BCHE: variants seen among roughly 807,000 people sequenced by gnomAD.
The protein encoded by BCHE is cholinesterase.
BCHE carries 48 observed loss-of-function variants against 51.3 expected under a neutral mutation model. The observed-to-expected ratio is 0.94, with a 90% CI of 0.74 to 1.19. The LOEUF is 1.19. Among genes scored for constraint, BCHE ranks in the 50% most tolerant of loss-of-function variants. The pLI is 0.00. For synonymous variants in BCHE, 251 were observed against 238.0 expected (o/e 1.05, Z -0.50); for missense variants, 847 against 708.2 (o/e 1.20, Z -2.23).
At chr3:165,801,713 G>T (rs2108214500) in intron 2 of BCHE, among the ~76,000 whole-genome samples, 1 of 152,290 alleles carries the variant, frequency 6.6e-6, no homozygotes, top group Non-Finnish European at 1.5e-5. Flanking sequence ...CCAGAAACAA[G>T]TAAGACCTTA....
At chr3:165,800,427 C>T (rs551774239) in intron 2 of BCHE, among the ~76,000 whole-genome samples, 14 of 151,900 alleles carry the variant, frequency 9.2e-5, no homozygotes, top group Non-Finnish European at 1.5e-4. Flanking sequence ...TTTTTTTTCT[C>T]AAAGAGAAAT....
intron 2 of BCHE, among the ~76,000 whole-genome samples, chr3:165,822,907 AT>A (rs1305687797): frequency 1.3e-5 from 2 of 152,052 alleles, no homozygotes; most frequent in South Asian, 4.2e-4. Context: ...GGTTGACTTA[AT>A]TTTTTTCGCT....
intron 3 of BCHE, among the ~76,000 whole-genome samples, chr3:165,784,373 G>A (rs1336529003): frequency 3.3e-5 from 5 of 151,648 alleles, no homozygotes; most frequent in Admixed American, 2.0e-4. Flanking sequence ...TAATTGTATC[G>A]TGCATTTACT....
At chr3:165,783,165 AC>A in intron 3 of BCHE, among the ~76,000 whole-genome samples, 1 of 152,246 alleles carries the variant, frequency 6.6e-6, no homozygotes, top group African/African-American at 2.4e-5. Flanking sequence ...TGTCTCCATC[AC>A]ATTATTATTT....
chr3:165,773,611 G>T, intron 3 of BCHE, 105 bp from the exon 4 acceptor site: 1 of 852,776 alleles, frequency 1.2e-6, no homozygotes, highest in Non-Finnish European at 1.8e-6. Context: ...ACACAGTACA[G>T]CATTATTTTC....
chr3:165,833,518 CTA>C (rs947760407), intron 1 of BCHE, among the ~76,000 whole-genome samples: 2 of 152,046 alleles, frequency 1.3e-5, no homozygotes, highest in Non-Finnish European at 2.9e-5. Flanking sequence ...AGTGAAAATA[CTA>C]TATTATAATT....
chr3:165,834,579 G>T (rs534588695), intron 1 of BCHE, among the ~76,000 whole-genome samples: 3 of 151,620 alleles, frequency 2.0e-5, no homozygotes, highest in African/African-American at 4.8e-5. Context: ...GCATCACTTT[G>T]CCCTTTTTAT....
intron 2 of BCHE, among the ~76,000 whole-genome samples, chr3:165,791,990 A>AAATAAAATAAAAC (rs1418439495): frequency 6.6e-6 from 1 of 151,960 alleles, no homozygotes; most frequent in African/African-American, 2.4e-5. Context: ...AAATAAAATA[A>AAATAAAATAAAAC]AGAGTTCACA....
At chr3:165,799,583 C>G (rs903849254) in intron 2 of BCHE, among the ~76,000 whole-genome samples, 1 of 152,062 alleles carries the variant, frequency 6.6e-6, no homozygotes, top group Non-Finnish European at 1.5e-5. Context: ...ACAGCAATGA[C>G]ACTGTTTATG....
At chr3:165,827,363 T>C (rs563038808) in intron 2 of BCHE, among the ~76,000 whole-genome samples, 1 of 151,974 alleles carries the variant, frequency 6.6e-6, no homozygotes, top group African/African-American at 2.4e-5. Context: ...CTCCATGACA[T>C]ATATGTATTA....
intron 2 of BCHE, chr3:165,827,941 T>C (rs571657324): frequency 2.1e-4 from 87 of 422,222 alleles, no homozygotes; most frequent in African/African-American, 1.5e-3. Flanking sequence ...TTTTACCAGC[T>C]CTCATTCAAT....
At chr3:165,790,771 T>A (rs1264082841) in intron 2 of BCHE, among the ~76,000 whole-genome samples, 1 of 152,132 alleles carries the variant, frequency 6.6e-6, no homozygotes, top group Admixed American at 6.5e-5. Context: ...GAAATAGTAT[T>A]TCAGTAGAAG....
At chr3:165,832,006 A>G (rs934160913) in intron 1 of BCHE, among the ~76,000 whole-genome samples, 1 of 152,178 alleles carries the variant, frequency 6.6e-6, no homozygotes, top group Non-Finnish European at 1.5e-5. Flanking sequence ...AATTATTTGC[A>G]TTTTTTATAA....
intron 2 of BCHE, among the ~76,000 whole-genome samples, chr3:165,797,929 T>C (rs1326062717): frequency 2.0e-5 from 3 of 152,206 alleles, no homozygotes; most frequent in African/African-American, 2.4e-5. Context: ...AATTTAATTG[T>C]GATGTTTTTC....
intron 2 of BCHE, among the ~76,000 whole-genome samples, chr3:165,800,823 A>C (rs751412839): frequency 3.3e-5 from 5 of 152,168 alleles, no homozygotes; most frequent in African/African-American, 4.8e-5. Context: ...TATAACAGTA[A>C]ACAGAACCTG....
At chr3:165,782,871 T>A (rs1712762240) in intron 3 of BCHE, among the ~76,000 whole-genome samples, 1 of 151,950 alleles carries the variant, frequency 6.6e-6, no homozygotes, top group Non-Finnish European at 1.5e-5. Context: ...ATTTTTTTTT[T>A]AAAGCATTAA....
Position 165,830,925 on chromosome 3 carries a change from T to A in BCHE, c.109A>T (p.Lys37Ter), listed in dbSNP as rs1402488946. Reference protein sequence around the residue: ...HTEDDIIIATKNGKVRGMNLT... With the variant: ...HTEDDIIIAT Reference sequence around the variant, plus strand: ...TTCATCCCTCTGACTTTTCCATTCTTTGTTGCAATTATGATGTCATCTTCA... The same window carrying A: ...TTCATCCCTCTGACTTTTCCATTCTATGTTGCAATTATGATGTCATCTTCA... The change falls in exon 2 of 4, where the codon AAG becomes TAG. Residue 37 changes from lysine to a stop codon, truncating the protein, a stop_gained. Coordinates refer to ENST00000264381, the MANE Select transcript of BCHE (RefSeq NM_000055.4). LOFTEE classifies it high-confidence loss of function. The A allele has an allele frequency of 6.2e-7, 1 of 1,613,920 alleles. No individual in the cohort carries two copies. Among genetic ancestry groups the A allele is most frequent in the African/African-American group, 1.3e-5 (1 of 75,028 alleles).
intron 2 of BCHE, among the ~76,000 whole-genome samples, chr3:165,801,476 A>C (rs1433515844): frequency 6.6e-6 from 1 of 152,166 alleles, no homozygotes; most frequent in Non-Finnish European, 1.5e-5. Flanking sequence ...TATTGTTATG[A>C]TCAAATTTGT....
intron 2 of BCHE, among the ~76,000 whole-genome samples, chr3:165,828,450 C>T (rs1421233279): frequency 6.6e-6 from 1 of 152,022 alleles, no homozygotes; most frequent in East Asian, 1.9e-4. Context: ...AAGAATTGTA[C>T]AACTGATATT....
Sources: allele counts gnomAD v4.1 joint callset (sites outside exome capture counted in the v4.1 genomes callset), GRCh38; gene constraint gnomAD v4.1.1; transcripts MANE v1.5; gene names NCBI Gene and HGNC (gene_info 2026-07-23, HGNC 2026-07-21).